The following TMEM236 variants were observed in gnomAD, a reference collection of about 807,000 sequenced individuals.
The protein encoded by TMEM236 is transmembrane protein 236.
In TMEM236, 11 loss-of-function variants were observed where a neutral mutation model predicts 14.7. The ratio of observed to expected loss-of-function variants is 0.75; its 90% CI spans 0.47 to 1.24. The LOEUF (loss-of-function observed/expected upper bound fraction) is 1.24, where lower values mean the gene tolerates loss of function less well. Among genes scored for constraint, TMEM236 ranks in the 50% most tolerant of loss-of-function variants. TMEM236 has a pLI of 0.00. For missense variants in TMEM236, 464 were observed against 427.3 expected (o/e 1.09, Z -0.76); for synonymous variants, 182 against 168.6 (o/e 1.08, Z -0.62).
chr10:17,780,681 C>T (rs1247690781), intron 3 of TMEM236, among the ~76,000 whole-genome samples: 2 of 152,140 alleles, frequency 1.3e-5, no homozygotes, highest in African/African-American at 4.8e-5. Flanking sequence ...GAAAATGAAG[C>T]AGTGTTGTTG....
rs878872584 is a variant in TMEM236 at position 17,767,913 on chromosome 10, CT to C, written c.258-3382del. Among the ~76,000 whole-genome samples, 153 of 140,402 alleles carry C rather than the reference CT, an allele frequency of 1.1e-3. 1 individual carries two copies. Among genetic ancestry groups the C allele is most frequent in the Middle Eastern group, 7.0e-3 (2 of 284 alleles). The allele number at this position is 140,402 out of a possible 152,430, so 92.1% of individuals were successfully genotyped here. ...TTACTAGATCTTAAGTACTCCCCAT[CT>C]TTTTTTTTTTTTTGAGACAGTGTCT... On this transcript the variant is annotated intron_variant, in intron 1 of 3. Transcript: ENST00000377495.
At chr10:17,771,538 T>A (rs1328635177) in intron 2 of TMEM236, among the ~76,000 whole-genome samples, 157 bp downstream of exon 2, 1 of 152,254 alleles carries the variant, frequency 6.6e-6, no homozygotes, top group Non-Finnish European at 1.5e-5. Context: ...AGTACTGAGA[T>A]CATTGTTACC....
At chr10:17,760,289 T>C (rs1357518474) in intron 1 of TMEM236, among the ~76,000 whole-genome samples, 1 of 152,200 alleles carries the variant, frequency 6.6e-6, no homozygotes, top group Non-Finnish European at 1.5e-5. Context: ...TGACTATTTG[T>C]ATTTTCTAAA....
In TMEM236 at chr10:17,779,009, C is replaced by T. The variant is rs978456498; in HGVS notation, c.472+2839C>T. On this transcript the variant is annotated intron_variant, in intron 3 of 3. Transcript: ENST00000377495. ...AGTGCATGGGAGCATTTTTCTGACG[C>T]GTGGATCTCTGTAGCACGGCAGTCT... Among the ~76,000 whole-genome samples, 84 of 152,186 alleles carry T rather than the reference C, an allele frequency of 5.5e-4. 1 individual carries two copies. Among genetic ancestry groups the T allele is most frequent in the Non-Finnish European group, 9.6e-4 (65 of 68,006 alleles).
At position 17,774,029 on chromosome 10, in the gene TMEM236, TTTTG is replaced by T. The variant is rs1228988280; in HGVS notation, c.331-1972_331-1969del. Among the ~76,000 whole-genome samples the T allele has an allele frequency of 2.3e-4, 31 of 133,608 alleles. No homozygotes were observed. In the South Asian group the frequency reaches 5.7e-3, roughly 24 times the overall value. The allele number at this position is 133,608 out of a possible 152,430, so 87.7% of individuals were successfully genotyped here. ...CTTAAAATCTTTCATATATATATATTTTTGTTTGTTTGTTTGTTTGTTTGTTTGT... is the reference window on the plus strand; with the variant it reads ...CTTAAAATCTTTCATATATATATATTTTTGTTTGTTTGTTTGTTTGTTTGT... On this transcript the variant is annotated intron_variant, in intron 2 of 3. Coordinates refer to ENST00000377495, the MANE Select transcript of TMEM236 (RefSeq NM_001098844.3).
chr10:17,799,977 GA>G lies in TMEM236; in HGVS notation c.*3474del. 1 of 152,490 alleles carries G rather than the reference GA, an allele frequency of 6.6e-6. No homozygotes were observed. The highest frequency in any genetic ancestry group is 1.9e-4 in the East Asian group (1 of 5,194). The allele number at this position is 152,490 out of a possible 1,614,324, so 9.4% of individuals were successfully genotyped here. A position where few individuals can be genotyped will look rare whatever the true frequency, so the allele number is the denominator to read the frequency against. ...GACTGCAAGTCTATGGGATTTAATA[GA>G]TATTACAGCAAATTACACTGCGAAA... is the stretch of plus-strand genomic sequence containing the variant. On this transcript the variant is annotated 3_prime_UTR_variant, in exon 4 of 4. Transcript: ENST00000377495.
At chr10:17,753,653 G>T (rs1299226354) in intron 1 of TMEM236, among the ~76,000 whole-genome samples, 1 of 152,176 alleles carries the variant, frequency 6.6e-6, no homozygotes, top group Non-Finnish European at 1.5e-5. Context: ...TATCACTGAT[G>T]GGCATTTAGG....
chr10:17,796,070 C>A lies in TMEM236; in HGVS notation c.622C>A (p.Gln208Lys), dbSNP rs2131770651. ...SQPSGAMTRSQESVFMGPQEP... is the reference protein window; with the variant it reads ...SQPSGAMTRSKESVFMGPQEP... The stretch of plus-strand genomic sequence containing the variant: ...GCCATCAGGAGCCATGACACGGAGC[C>A]AGGAGTCTGTGTTCATGGGACCCCA... The change falls in exon 4 of 4, where the codon CAG (glutamine) becomes AAG (lysine). Residue 208 changes from glutamine to lysine, a missense_variant. Transcript: ENST00000377495. 6.2e-7 allele frequency: 1 copy of A among 1,613,878 alleles called. No homozygotes were observed. Among genetic ancestry groups the A allele is most frequent in the East Asian group, 2.2e-5 (1 of 44,868 alleles).
intron 1 of TMEM236, among the ~76,000 whole-genome samples, chr10:17,753,881 C>T (rs1837245183): frequency 1.3e-5 from 2 of 152,182 alleles, no homozygotes; most frequent in Admixed American, 6.5e-5. Context: ...TATAAGTATT[C>T]CTGAAAGATA....
intron 1 of TMEM236, among the ~76,000 whole-genome samples, chr10:17,770,043 G>A (rs895919193): frequency 2.0e-5 from 3 of 151,984 alleles, no homozygotes; most frequent in South Asian, 4.2e-4. Context: ...ATGTCCATGA[G>A]TACCCAACGT....
intron 3 of TMEM236, among the ~76,000 whole-genome samples, chr10:17,789,751 G>A (rs920717245): frequency 1.3e-5 from 2 of 152,050 alleles, no homozygotes; most frequent in Non-Finnish European, 2.9e-5. Context: ...GGCCGGGCAC[G>A]GTGGCTCACG....
At chr10:17,753,296 C>A (rs999063668) in intron 1 of TMEM236, among the ~76,000 whole-genome samples, 3 of 152,192 alleles carry the variant, frequency 2.0e-5, no homozygotes, top group African/African-American at 7.2e-5. Flanking sequence ...AGGTTTGTTA[C>A]ATAGGTTAAC....
rs1220144682 is a variant in TMEM236 at position 17,796,144 on chromosome 10, T to C, written c.696T>C (p.Asp232=). The change falls in exon 4 of 4, where the codon GAT becomes GAC. Residue 232 remains aspartate, a synonymous_variant. Coordinates refer to ENST00000377495, the MANE Select transcript of TMEM236 (RefSeq NM_001098844.3). The stretch of plus-strand genomic sequence containing the variant: ...TCCTGAGAATGATGTCCCGGCGAGA[T>C]GTCCGGGCAGAGTTATTCTTATGGA... ...SGILRMMSRR[D]VRAELFLWSF... is the part of the protein sequence containing the mutation. The C allele has an allele frequency of 1.9e-6, 3 of 1,613,952 alleles. No homozygotes were observed. The highest frequency in any genetic ancestry group is 2.5e-6 in the Non-Finnish European group (3 of 1,179,854).
intron 1 of TMEM236, among the ~76,000 whole-genome samples, chr10:17,767,337 T>C (rs1366022428): frequency 6.6e-6 from 1 of 152,182 alleles, no homozygotes; most frequent in Non-Finnish European, 1.5e-5. Flanking sequence ...GGCATGTGCC[T>C]GTGATCCCAG....
intron 1 of TMEM236, among the ~76,000 whole-genome samples, chr10:17,761,231 G>T (rs1441458318): frequency 6.6e-6 from 1 of 152,104 alleles, no homozygotes; most frequent in South Asian, 2.1e-4. Flanking sequence ...TCCAGTGTCA[G>T]ACCTGATTCG....
chr10:17,791,253 T>C (rs1016404226), intron 3 of TMEM236, among the ~76,000 whole-genome samples: 1 of 150,034 alleles, frequency 6.7e-6, no homozygotes, highest in Non-Finnish European at 1.5e-5. Flanking sequence ...GAGACCAGCC[T>C]AGACAACATA....
In TMEM236 at chr10:17,768,726, CAT is replaced by C. The variant is rs1491160889; in HGVS notation, c.258-2582_258-2581del. ...TAGTCATAGGGCTATGTATACAACT[CAT>C]GTGTGTGTGTGTGTGTGTGTGTGTG... On this transcript the variant is annotated intron_variant, in intron 1 of 3. Coordinates refer to ENST00000377495, the MANE Select transcript of TMEM236 (RefSeq NM_001098844.3). Among the ~76,000 whole-genome samples the C allele has an allele frequency of 3.0e-3, 372 of 122,646 alleles. 5 individuals carry two copies. The highest frequency in any genetic ancestry group is 9.7e-3 in the African/African-American group (307 of 31,516). 80.5% of individuals were successfully genotyped at this position (122,646 alleles called of 152,430 possible).
chr10:17,763,920 TA>T (rs199513054), intron 1 of TMEM236, among the ~76,000 whole-genome samples: 9,432 of 151,942 alleles, frequency 0.062, 459 homozygotes, highest in East Asian at 0.2. Context: ...TCATCACCTG[TA>T]AAAAAAGGGT....
chr10:17,752,977 G>T (rs1038237391), intron 1 of TMEM236, among the ~76,000 whole-genome samples: 1 of 152,072 alleles, frequency 6.6e-6, no homozygotes, highest in South Asian at 2.1e-4. Flanking sequence ...GGGTAAAAGC[G>T]CAGGTTTGTT....
Sources: allele counts gnomAD v4.1 joint callset (sites outside exome capture counted in the v4.1 genomes callset), GRCh38; gene constraint gnomAD v4.1.1; transcripts MANE v1.5; gene names NCBI Gene and HGNC (gene_info 2026-07-23, HGNC 2026-07-21).